Variants in PCDH15 observed in about 807,000 individuals in gnomAD.
The protein encoded by PCDH15 is protocadherin-15.
In PCDH15, 129 loss-of-function variants were observed where a neutral mutation model predicts 178.5. That is an observed-to-expected ratio of 0.72 (90% CI 0.63 to 0.84). PCDH15 has a LOEUF of 0.84. Among genes scored for constraint, PCDH15 ranks in the 40% least tolerant of loss-of-function variants. The pLI is 0.00. For missense variants in PCDH15, 2,230 were observed against 2,099.9 expected (o/e 1.06, Z -1.21); for synonymous variants, 800 against 732.0 (o/e 1.09, Z -1.50).
At chr10:54,344,496 C>T (rs1486307386) in intron 6 of PCDH15, among the ~76,000 whole-genome samples, 2 of 152,044 alleles carry the variant, frequency 1.3e-5, no homozygotes, top group African/African-American at 2.4e-5. Flanking sequence ...TATATCTAAA[C>T]ATTGAATATT....
rs747920202 is a variant in PCDH15, at chr10:54,815,055, C to T, written c.-29+82395G>A. ...GCACCAATGATCACCTTTATTTTAA[C>T]GTACCTCACTAAAGTTGACCCTTGG... On this transcript the variant is annotated intron_variant, in intron 3 of 5. Transcript: ENST00000458638. 8.5e-5 allele frequency among the ~76,000 whole-genome samples: 13 copies of T among 152,172 alleles called. No individual in the cohort carries two copies. The South Asian group carries it at 1.5e-3, about 17-fold the overall frequency.
chr10:55,021,194 G>A (rs1840318325), intron 2 of PCDH15, among the ~76,000 whole-genome samples: 1 of 152,030 alleles, frequency 6.6e-6, no homozygotes, highest in South Asian at 2.1e-4. Context: ...TCTAACCTTT[G>A]TTCAGTTCAA....
intron 1 of PCDH15, among the ~76,000 whole-genome samples, chr10:54,729,159 A>T (rs1203276350): frequency 6.6e-6 from 1 of 151,768 alleles, no homozygotes; most frequent in Non-Finnish European, 1.5e-5. Context: ...ACACTACCTG[A>T]CTTTAAATTA....
At chr10:54,097,093 CAG>C (rs1375530277) in intron 15 of PCDH15, among the ~76,000 whole-genome samples, 13 of 152,170 alleles carry the variant, frequency 8.5e-5, no homozygotes, top group African/African-American at 3.1e-4. Context: ...AATGTGCTGA[CAG>C]AGCATATCAA....
intron 2 of PCDH15, among the ~76,000 whole-genome samples, chr10:55,374,474 T>C (rs1845575672): frequency 6.6e-6 from 1 of 152,214 alleles, no homozygotes. Context: ...GAAGAGGTGT[T>C]TGGGCCTCTA....
intron 2 of PCDH15, among the ~76,000 whole-genome samples, chr10:54,573,463 A>T (rs923025870): frequency 3.9e-5 from 6 of 152,220 alleles, no homozygotes; most frequent in Non-Finnish European, 8.8e-5. Flanking sequence ...ACCAGCATTG[A>T]TATTTTCTAA....
intron 1 of PCDH15, among the ~76,000 whole-genome samples, chr10:55,231,028 T>C (rs571683398): frequency 6.6e-6 from 1 of 151,926 alleles, no homozygotes; most frequent in Admixed American, 6.6e-5. Context: ...AACAGTGTAA[T>C]TTACTTAAAG....
intron 17 of PCDH15, among the ~76,000 whole-genome samples, chr10:54,075,078 T>G (rs2094315519): frequency 6.6e-6 from 1 of 152,162 alleles, no homozygotes; most frequent in African/African-American, 2.4e-5. Context: ...TATTTTTGTT[T>G]TCTTTAAAAA....
chr10:54,257,609 T>C (rs2057016195), intron 8 of PCDH15, among the ~76,000 whole-genome samples: 1 of 152,126 alleles, frequency 6.6e-6, no homozygotes, highest in South Asian at 2.1e-4. Flanking sequence ...AGTACGTGTA[T>C]GATATTTGAT....
Position 54,376,981 on chromosome 10 carries a change from T to G in PCDH15, c.318+1801A>C, listed in dbSNP as rs552751703. On this transcript the variant is annotated intron_variant, in intron 4 of 37. Coordinates refer to ENST00000644397, the MANE Select transcript of PCDH15 (RefSeq NM_001384140.1). ...GGAGATTCATTTTTTAAAAATCTCT[T>G]ATTTATTCATGCAATAACCAATCAT... 1.3e-5 allele frequency among the ~76,000 whole-genome samples: 2 copies of G among 152,136 alleles called. 1 individual carries two copies. The highest frequency in any genetic ancestry group is 4.1e-4 in the South Asian group (2 of 4,824).
At chr10:54,324,544 C>T (rs2061814124) in intron 7 of PCDH15, among the ~76,000 whole-genome samples, 2 of 152,028 alleles carry the variant, frequency 1.3e-5, no homozygotes, top group East Asian at 3.9e-4. Flanking sequence ...GGGCTGATCA[C>T]TTGAAGTTGT....
chr10:55,552,740 TTACAAATATTA>T (rs1842024315), intron 2 of PCDH15, among the ~76,000 whole-genome samples: 1 of 151,464 alleles, frequency 6.6e-6, no homozygotes, highest in African/African-American at 2.4e-5. Context: ...AATGCATGAC[TTACAAATATTA>T]TAAAACATAA....
chr10:53,849,860 C>CAAAAAAAAAAAAA (rs58458871), intron 28 of PCDH15, among the ~76,000 whole-genome samples: 1 of 52,708 alleles, frequency 1.9e-5, no homozygotes. Flanking sequence ...GGCTCCGTCT[C>CAAAAAAAAAAAAA]AAAAAAAAAA....
intron 8 of PCDH15, among the ~76,000 whole-genome samples, chr10:54,305,447 T>G (rs2060406559): frequency 6.6e-6 from 1 of 152,018 alleles, no homozygotes; most frequent in Non-Finnish European, 1.5e-5. Flanking sequence ...ATGCAGCTAT[T>G]ATAAAAAGTA....
intron 13 of PCDH15, among the ~76,000 whole-genome samples, chr10:54,167,081 C>T (rs1192842090): frequency 2.0e-5 from 3 of 152,220 alleles, no homozygotes; most frequent in Admixed American, 2.0e-4. Flanking sequence ...AGCCATGTTG[C>T]TCACACAAAG....
chr10:54,268,948 A>G (rs547242917), intron 8 of PCDH15, among the ~76,000 whole-genome samples: 2 of 151,988 alleles, frequency 1.3e-5, no homozygotes, highest in East Asian at 1.9e-4. Context: ...TTCATCTCCT[A>G]TCTTCCTTGA....
intron 11 of PCDH15, among the ~76,000 whole-genome samples, chr10:54,186,036 A>G (rs764024485): frequency 6.6e-5 from 10 of 152,056 alleles, no homozygotes; most frequent in Non-Finnish European, 1.5e-4. Context: ...GAAACAGAAG[A>G]CAACATACTC....
chr10:53,897,959 C>CTTTTTT (rs66513139), intron 26 of PCDH15, among the ~76,000 whole-genome samples: 11 of 82,412 alleles, frequency 1.3e-4, no homozygotes, highest in African/African-American at 1.6e-4. Context: ...TTTCTTTTCC[C>CTTTTTT]TTTTTTTTTT....
chr10:54,185,937 A>G (rs953023287), intron 11 of PCDH15, among the ~76,000 whole-genome samples: 2 of 152,112 alleles, frequency 1.3e-5, no homozygotes, highest in African/African-American at 4.8e-5. Flanking sequence ...AAAATGATAT[A>G]TACTTAAAAA....
Sources: allele counts gnomAD v4.1 joint callset (sites outside exome capture counted in the v4.1 genomes callset), GRCh38; gene constraint gnomAD v4.1.1; transcripts MANE v1.5; gene names NCBI Gene and HGNC (gene_info 2026-07-23, HGNC 2026-07-21).